Variants in MTUS1 observed in about 807,000 individuals in gnomAD.
MTUS1 encodes microtubule-associated tumor suppressor 1.
MTUS1 carries 109 observed loss-of-function variants against 120.8 expected under a neutral mutation model. The observed-to-expected ratio is 0.90, with a 90% confidence interval of 0.77 to 1.06. The LOEUF (loss-of-function observed/expected upper bound fraction) is 1.06, where lower values mean the gene tolerates loss of function less well. Ranked by LOEUF, MTUS1 falls within the 50% of genes least tolerant of loss-of-function variation. MTUS1 has a pLI of 0.00. For missense variants in MTUS1, 2,210 were observed against 1,486.3 expected, an observed-to-expected ratio of 1.49 and a Z score of -8.01; for synonymous variants, 737 against 550.5, an observed-to-expected ratio of 1.34 and a Z score of -4.74.
At chr8:17,713,386 C>A in intron 5 of MTUS1, 134 bp from the exon 6 acceptor site, 3 of 592,294 alleles carry the variant, frequency 5.1e-6, no homozygotes, top group Non-Finnish European at 9.0e-6. Context: ...GAAATATCAC[C>A]GAGATTCAAC....
chr8:17,752,646 AC>A (rs1418181110), intron 2 of MTUS1, among the ~76,000 whole-genome samples: 2 of 152,000 alleles, frequency 1.3e-5, no homozygotes, highest in Admixed American at 1.3e-4. Context: ...GTCCCCATGC[AC>A]CCTGAAGACA....
rs1563311381 is a variant in MTUS1, at chr8:17,746,490, A to AGG, written c.2092-2692_2092-2691insCC. ...AATCATGGCAGAAGGTGAAAGGTTC[A>AGG]TCTTACAAGGCAGCAGACAAGAGAG... On this transcript the variant is annotated intron_variant, in intron 2 of 14. Coordinates refer to ENST00000693296, the MANE Select transcript of MTUS1 (RefSeq NM_001363059.2). Among the ~76,000 whole-genome samples, 179 of 152,294 alleles carry AGG rather than the reference A, an allele frequency of 1.2e-3. 1 individual carries two copies. The highest frequency in any genetic ancestry group is 4.2e-3 in the African/African-American group (175 of 41,566).
intron 6 of MTUS1, among the ~76,000 whole-genome samples, chr8:17,711,954 G>T (rs551742512): frequency 1.3e-4 from 20 of 152,172 alleles, no homozygotes; most frequent in Non-Finnish European, 2.5e-4. Flanking sequence ...AAACGTATCA[G>T]CTGTGTTCAC....
At chr8:17,709,183 C>T (rs978905656) in intron 6 of MTUS1, among the ~76,000 whole-genome samples, 8 of 151,784 alleles carry the variant, frequency 5.3e-5, no homozygotes, top group Middle Eastern at 3.4e-3. Flanking sequence ...CCCCACACTT[C>T]CCTGCTTATT....
intron 3 of MTUS1, among the ~76,000 whole-genome samples, chr8:17,734,459 C>G (rs982018870): frequency 9.9e-5 from 15 of 151,840 alleles, no homozygotes; most frequent in Non-Finnish European, 2.2e-4. Flanking sequence ...GACAAAGGAG[C>G]AAAAAGTCCC....
At chr8:17,770,156 C>G (rs1418234868) in intron 1 of MTUS1, among the ~76,000 whole-genome samples, 2 of 151,430 alleles carry the variant, frequency 1.3e-5, no homozygotes, top group Admixed American at 1.3e-4. Context: ...ATATTTTAAC[C>G]CAAAGCAGAG....
At position 17,739,517 on chromosome 8, in the gene MTUS1, T is replaced by A. The variant is rs182460297; in HGVS notation, c.2287+4087A>T. 2.0e-3 allele frequency among the ~76,000 whole-genome samples: 306 copies of A among 151,828 alleles called. 2 individuals carry two copies. Among genetic ancestry groups the A allele is most frequent in the Admixed American group, 0.015 (235 of 15,270 alleles). Reference sequence around the variant, plus strand: ...CTCATAAATAAATAAATAAATAAATTAATAAATCAAACAAACAAAACTCAT... The same window carrying A: ...CTCATAAATAAATAAATAAATAAATAAATAAATCAAACAAACAAAACTCAT... On this transcript the variant is annotated intron_variant, in intron 3 of 14. Coordinates refer to ENST00000693296, the MANE Select transcript of MTUS1 (RefSeq NM_001363059.2).
At chr8:17,792,354 G>C (rs749727824) in intron 1 of MTUS1, among the ~76,000 whole-genome samples, 12 of 152,120 alleles carry the variant, frequency 7.9e-5, no homozygotes, top group Non-Finnish European at 1.5e-4. Context: ...ATATCTACAA[G>C]GTTATACATT....
intron 8 of MTUS1, among the ~76,000 whole-genome samples, chr8:17,668,760 A>G (rs1811425575): frequency 6.6e-6 from 1 of 152,126 alleles, no homozygotes; most frequent in South Asian, 2.1e-4. Flanking sequence ...GTTGTACAGA[A>G]TATTTCATCA....
At chr8:17,743,927 G>A (rs763843625) in intron 2 of MTUS1, 128 bp from the exon 3 acceptor site, 43 of 712,192 alleles carry the variant, frequency 6.0e-5, no homozygotes, top group Non-Finnish European at 9.0e-5. Flanking sequence ...AGGCCATGAT[G>A]GCAAAGAGGT....
At chr8:17,670,100 G>A (rs1228211590) in intron 8 of MTUS1, among the ~76,000 whole-genome samples, 1 of 152,220 alleles carries the variant, frequency 6.6e-6, no homozygotes. Context: ...ACAGGAGTAT[G>A]ATTTCAGTTG....
chr8:17,733,767 G>C (rs1342624745), intron 3 of MTUS1, among the ~76,000 whole-genome samples: 1 of 152,042 alleles, frequency 6.6e-6, no homozygotes, highest in Non-Finnish European at 1.5e-5. Context: ...TACTGACTTT[G>C]ACCTCAATCT....
chr8:17,654,574 T>G lies in MTUS1; in HGVS notation c.3201A>C (p.Glu1067Asp). 1 of 1,611,296 alleles carries G rather than the reference T, an allele frequency of 6.2e-7. No individual in the cohort carries two copies. The highest frequency in any genetic ancestry group is 8.5e-7 in the Non-Finnish European group (1 of 1,177,364). ...EKLELLKKAY[E>D]ASLSEIKKGH... Reference sequence around the variant, plus strand: ...AAGCATCCTTGCCTGAAAGGGAGGCTTCATAGGCCTTCTTTAGCAATTCAA... The same window carrying G: ...AAGCATCCTTGCCTGAAAGGGAGGCGTCATAGGCCTTCTTTAGCAATTCAA... The change falls in exon 10 of 15, where the codon GAA becomes GAC. Residue 1067 changes from glutamate to aspartate, a missense_variant. Glu to Asp is a conservative substitution (Grantham distance 45). Coordinates refer to ENST00000693296, the MANE Select transcript of MTUS1 (RefSeq NM_001363059.2).
chr8:17,788,904 T>A (rs1364662136), intron 1 of MTUS1, among the ~76,000 whole-genome samples: 1 of 152,158 alleles, frequency 6.6e-6, no homozygotes, highest in Non-Finnish European at 1.5e-5. Flanking sequence ...TTTTATACAA[T>A]GAGCTGTTTG....
intron 2 of MTUS1, among the ~76,000 whole-genome samples, chr8:17,750,067 G>A (rs1187585890): frequency 6.6e-5 from 10 of 152,178 alleles, no homozygotes; most frequent in Non-Finnish European, 1.5e-4. Flanking sequence ...TGCTTGTAAA[G>A]CAGCATGTTC....
intron 6 of MTUS1, among the ~76,000 whole-genome samples, chr8:17,706,734 T>A (rs1454260989): frequency 6.6e-6 from 1 of 152,226 alleles, no homozygotes; most frequent in East Asian, 1.9e-4. Context: ...GTATAGATGT[T>A]CATCATAGAA....
chr8:17,758,615 G>A (rs905386385), intron 1 of MTUS1, among the ~76,000 whole-genome samples: 1 of 152,174 alleles, frequency 6.6e-6, no homozygotes, highest in Non-Finnish European at 1.5e-5. Flanking sequence ...ACATGCAGGG[G>A]ATATAATTTC....
chr8:17,657,058 CAAAAAAAAAAAAA>C (rs1219286349), intron 8 of MTUS1, among the ~76,000 whole-genome samples: 4 of 56,722 alleles, frequency 7.1e-5, no homozygotes, highest in Non-Finnish European at 1.4e-4. Flanking sequence ...GATTCTGTCT[CAAAAAAAAAAAAA>C]AAAAAAAAAA....
intron 1 of MTUS1, among the ~76,000 whole-genome samples, chr8:17,762,906 C>T (rs7388291): frequency 0.75 from 114,072 of 151,754 alleles, 43,754 homozygotes; most frequent in East Asian, 0.85. Flanking sequence ...AGCAAAGATG[C>T]GGCAAAGAGC....
Sources: allele counts gnomAD v4.1 joint callset (sites outside exome capture counted in the v4.1 genomes callset), GRCh38; gene constraint gnomAD v4.1.1; transcripts MANE v1.5; gene names NCBI Gene and HGNC (gene_info 2026-07-23, HGNC 2026-07-21).